The following MEST variants were observed in gnomAD, a reference collection of about 807,000 sequenced individuals.
The protein encoded by MEST is mesoderm specific transcript, also known as mesoderm-specific transcript homolog protein.
A neutral mutation model predicts 50.9 loss-of-function variants in MEST; 18 were observed. The ratio of observed to expected loss-of-function variants is 0.35; its 90% CI spans 0.24 to 0.52. MEST has a LOEUF of 0.52. MEST is among the 20% of genes least tolerant of loss of function. MEST has a pLI of 0.94. For missense variants in MEST, 282 were observed against 425.3 expected, an observed-to-expected ratio of 0.66 and a Z score of 2.96; for synonymous variants, 130 against 154.1, an observed-to-expected ratio of 0.84 and a Z score of 1.16.
chr7:130,499,102 T>G (rs1799180255), intron 6 of MEST, among the ~76,000 whole-genome samples: 1 of 152,230 alleles, frequency 6.6e-6, no homozygotes, highest in Admixed American at 6.5e-5. Context: ...GAACCTATCC[T>G]GATGTTAAGT....
In MEST at chr7:130,492,492, A is replaced by G. The variant is rs1029541045; in HGVS notation, c.26+153A>G. 9.2e-6 allele frequency: 5 copies of G among 544,172 alleles called. No individual in the cohort carries two copies. The highest frequency in any genetic ancestry group is 9.1e-5 in the South Asian group (1 of 10,960). The allele number at this position is 544,172 out of a possible 1,614,324, so 33.7% of individuals were successfully genotyped here. ...CACGCATTCCGCGCCCGCTCTGCCT[A>G]CTTGAGGAGGGGGTGTCACTCCTGC... On this transcript the variant is annotated intron_variant, in intron 1 of 11. Coordinates refer to ENST00000223215, the MANE Select transcript of MEST (RefSeq NM_002402.4). The surrounding 1 kb of genome is among the most constrained non-coding windows in gnomAD (Gnocchi z 7.6).
At chr7:130,492,005 G>A (rs1162164209), upstream of MEST, 2 of 186,282 alleles carry the variant, frequency 1.1e-5, no homozygotes, top group Non-Finnish European at 1.1e-5. This position sits in a 1 kb window ranked among gnomAD's most constrained non-coding sequence, Gnocchi z 7.6. Flanking sequence ...GGGAGCAGGC[G>A]GTAGGGGTTC....
At chr7:130,504,845 T>G in intron 11 of MEST, 94 bp from the exon 12 acceptor site, 3 of 842,866 alleles carry the variant, frequency 3.6e-6, no homozygotes, top group Non-Finnish European at 6.0e-6. Flanking sequence ...TCCAGTGTGG[T>G]GTGTCCACAG....
rs1482312396 is a variant in MEST at position 130,506,170 on chromosome 7, C to CA, written c.*1117dup. 4.6e-5 allele frequency: 7 copies of CA among 152,360 alleles called. No individual in the cohort carries two copies. Among genetic ancestry groups the CA allele is most frequent in the African/African-American group, 1.7e-4 (7 of 41,354 alleles). 9.4% of individuals were successfully genotyped at this position (152,360 alleles called of 1,614,324 possible). ...TAAAGCCACATTTCATTGTCTTAGTCAAAGCAGGATTATTAAGTGATTATT... is the reference window on the plus strand; with the variant it reads ...TAAAGCCACATTTCATTGTCTTAGTCAAAAGCAGGATTATTAAGTGATTATT... On this transcript the variant is annotated 3_prime_UTR_variant, in exon 12 of 12. Coordinates refer to ENST00000223215, the MANE Select transcript of MEST (RefSeq NM_002402.4).
In MEST at chr7:130,500,737, A is replaced by T. The variant is rs1303754795; in HGVS notation, c.648-52A>T. The T allele has an allele frequency of 3.4e-6, 5 of 1,491,294 alleles. No homozygotes were observed. In the East Asian group the frequency reaches 9.1e-5, roughly 27 times the overall value. 92.4% of individuals were successfully genotyped at this position (1,491,294 alleles called of 1,614,324 possible). ...GGCCTCTGAGGTTCCAGCCATATTG[A>T]ACATTCTGAGTTCTCCTCACACTTA... On this transcript the variant is annotated intron_variant, in intron 8 of 11. Transcript: ENST00000223215. The surrounding 1 kb of genome is among the most constrained non-coding windows in gnomAD (Gnocchi z 5.0).
intron 6 of MEST, 39 bp downstream of exon 6, chr7:130,498,516 T>C (rs781961898): frequency 6.4e-7 from 1 of 1,567,838 alleles, no homozygotes; most frequent in African/African-American, 1.4e-5. Context: ...GGGTGTAATC[T>C]AGAAGGGCCA....
At chr7:130,494,802 G>A in intron 1 of MEST, 1 of 983,702 alleles carries the variant, frequency 1.0e-6, no homozygotes, top group South Asian at 4.7e-5. Flanking sequence ...CTTCATTTAG[G>A]CAGGAGGGCT....
At chr7:130,495,978 G>T in intron 2 of MEST, 1 of 399,294 alleles carries the variant, frequency 2.5e-6, no homozygotes, top group South Asian at 1.9e-5. Flanking sequence ...TACTTATCAA[G>T]TAATTACCAT....
chr7:130,492,457 C>T lies in MEST; in HGVS notation c.26+118C>T, dbSNP rs1798862543. The T allele has an allele frequency of 2.2e-6, 2 of 904,154 alleles. No individual in the cohort carries two copies. Among genetic ancestry groups the T allele is most frequent in the Non-Finnish European group, 2.9e-6 (2 of 686,510 alleles). 56.0% of individuals were successfully genotyped at this position (904,154 alleles called of 1,614,324 possible). On this transcript the variant is annotated intron_variant, in intron 1 of 11. Coordinates refer to ENST00000223215, the MANE Select transcript of MEST (RefSeq NM_002402.4). The surrounding 1 kb of genome is among the most constrained non-coding windows in gnomAD (Gnocchi z 7.6). ...GGCTGCCTCTGGGCGAAAACTCTAC[C>T]GACAGGCGGCACGCATTCCGCGCCC...
At chr7:130,503,759 T>G (rs1175113862) in intron 10 of MEST, among the ~76,000 whole-genome samples, 174 bp from the exon 11 acceptor site, 1 of 152,164 alleles carries the variant, frequency 6.6e-6, no homozygotes, top group African/African-American at 2.4e-5. Context: ...GAGGTTACAG[T>G]GAGCTATGAC....
rs1341356618 is a variant in MEST, at chr7:130,495,414, C to A, written c.73C>A (p.Leu25Ile). The change falls in exon 2 of 12, where the codon CTT (leucine) becomes ATT (isoleucine). Residue 25 changes from leucine (L) to isoleucine (I), a missense_variant. Coordinates refer to ENST00000223215, the MANE Select transcript of MEST (RefSeq NM_002402.4). Reference protein sequence around the residue: ...VQVGLLAVPLLAAYLHIPPPQ... With the variant: ...VQVGLLAVPLIAAYLHIPPPQ... ...GGTGGGGCTGCTGGCCGTGCCCCTG[C>A]TTGCTGCGTACCTGCACATCCCACC... 3 of 1,613,562 alleles carry A rather than the reference C, an allele frequency of 1.9e-6. No homozygotes were observed. In the African/African-American group the frequency reaches 4.0e-5, roughly 22 times the overall value.
chr7:130,492,702 G>A lies in MEST; in HGVS notation c.26+363G>A, dbSNP rs1040404030. 4.6e-6 allele frequency: 1 copy of A among 216,102 alleles called. No homozygotes were observed. Among genetic ancestry groups the A allele is most frequent in the Non-Finnish European group, 9.1e-6 (1 of 109,554 alleles). 13.4% of individuals were successfully genotyped at this position (216,102 alleles called of 1,614,324 possible). On this transcript the variant is annotated intron_variant, in intron 1 of 11. Coordinates refer to ENST00000223215, the MANE Select transcript of MEST (RefSeq NM_002402.4). This position sits in a 1 kb window ranked among gnomAD's most constrained non-coding sequence, Gnocchi z 7.6. ...TTAGATCCTGGCATCACCCTGGTGC[G>A]ATTTAGGATTTTTATACTCAGTCAT...
At chr7:130,496,848 C>T (rs1584944525) in intron 2 of MEST, 1 of 198,530 alleles carries the variant, frequency 5.0e-6, no homozygotes. Context: ...AAAAAATTTG[C>T]ATATTACAGA....
rs1442317544 is a variant in MEST, at chr7:130,500,904, C to A, written c.749+14C>A. ...AGTCATTGACAGGTAAGAAGTTACC[C>A]TTTGCTTTGGTTTCCAGAGACGTGT... On this transcript the variant is annotated intron_variant, in intron 9 of 11. Coordinates refer to ENST00000223215, the MANE Select transcript of MEST (RefSeq NM_002402.4). The surrounding 1 kb of genome is among the most constrained non-coding windows in gnomAD (Gnocchi z 5.0). 3 of 1,608,338 alleles carry A rather than the reference C, an allele frequency of 1.9e-6. No homozygotes were observed. Among genetic ancestry groups the A allele is most frequent in the Non-Finnish European group, 2.6e-6 (3 of 1,176,296 alleles).
chr7:130,501,401 T>G (rs1799272256), intron 9 of MEST, among the ~76,000 whole-genome samples: 1 of 149,698 alleles, frequency 6.7e-6, no homozygotes. Flanking sequence ...GAGCCAATCC[T>G]CCCACCCTCT....
rs1554439713 is a variant in MEST, at chr7:130,505,539, G to A, written c.*483G>A. On this transcript the variant is annotated 3_prime_UTR_variant, in exon 12 of 12. Coordinates refer to ENST00000223215, the MANE Select transcript of MEST (RefSeq NM_002402.4). ...TTAAAAGTTCTTTAAGCAACACAGA[G>A]CTGAGTCCTCTTTGTCATACCTTTG... The A allele has an allele frequency of 6.5e-6, 1 of 153,256 alleles. No individual in the cohort carries two copies. The highest frequency in any genetic ancestry group is 1.9e-4 in the East Asian group (1 of 5,226). 9.5% of individuals were successfully genotyped at this position (153,256 alleles called of 1,614,324 possible).
rs1799255139 is a variant in MEST at position 130,500,964 on chromosome 7, T to G, written c.749+74T>G. ...GAGTGGGGATTGCTTGTTCTGTTCC[T>G]TGCTGGCTTATTCCCTATCACAGGA... On this transcript the variant is annotated intron_variant, in intron 9 of 11. Coordinates refer to ENST00000223215, the MANE Select transcript of MEST (RefSeq NM_002402.4). The surrounding 1 kb of genome is among the most constrained non-coding windows in gnomAD (Gnocchi z 5.0). 1.5e-6 allele frequency: 2 copies of G among 1,314,554 alleles called. No individual in the cohort carries two copies. Among genetic ancestry groups the G allele is most frequent in the African/African-American group, 2.9e-5 (2 of 69,332 alleles). The allele number at this position is 1,314,554 out of a possible 1,614,324, so 81.4% of individuals were successfully genotyped here. A position where few individuals can be genotyped will look rare whatever the true frequency, so the allele number is the denominator to read the frequency against.
rs1554438263 is a variant in MEST at position 130,500,494 on chromosome 7, C to T, written c.609C>T (p.Ile203=). 1 of 1,613,878 alleles carries T rather than the reference C, an allele frequency of 6.2e-7. No individual in the cohort carries two copies. The highest frequency in any genetic ancestry group is 2.2e-5 in the East Asian group (1 of 44,882). ...AAGATGGAGGTGTGCTGTCACCCATCCTCACACGACTGATGAACTTCTTTG... is the reference window on the plus strand; with the variant it reads ...AAGATGGAGGTGTGCTGTCACCCATTCTCACACGACTGATGAACTTCTTTG... ...LLKDGGVLSP[I]LTRLMNFFVF... The change falls in exon 8 of 12, where the codon ATC becomes ATT. Residue 203 remains isoleucine (I), a synonymous_variant. Transcript: ENST00000223215. The surrounding 1 kb of genome is among the most constrained non-coding windows in gnomAD (Gnocchi z 5.0).
intron 1 of MEST, chr7:130,494,742 T>C: frequency 1.7e-6 from 1 of 591,180 alleles, no homozygotes; most frequent in Non-Finnish European, 2.1e-6. Context: ...ACAGACTGTT[T>C]ACCCTGAGCA....
Sources: gnomAD v4.1 joint callset for allele counts (sites outside exome capture counted in the v4.1 genomes callset) on GRCh38, gnomAD v4.1.1 for gene constraint, Gnocchi (gnomAD v3.1) non-coding constraint, MANE v1.5 for transcripts, NCBI Gene and HGNC (gene_info 2026-07-23, HGNC 2026-07-21) for gene names.